NKAIN2: variants seen among roughly 807,000 people sequenced by gnomAD.
The protein encoded by NKAIN2 is sodium/potassium-transporting ATPase subunit beta-1-interacting protein 2.
Under a neutral mutation model 32.6 loss-of-function variants are expected in NKAIN2, and 14 were observed. The ratio of observed to expected loss-of-function variants is 0.43; its 90% CI spans 0.28 to 0.67. NKAIN2 has a LOEUF of 0.67. Among genes scored for constraint, NKAIN2 ranks in the 30% least tolerant of loss-of-function variants. The probability of loss-of-function intolerance (pLI) is 0.17; values close to 1 mark genes in which losing one functional copy is unlikely to be tolerated. For missense variants in NKAIN2, 198 were observed against 258.3 expected (o/e 0.77, Z 1.60); for synonymous variants, 80 against 87.2 (o/e 0.92, Z 0.46).
At chr6:124,097,801 CTG>C (rs1419180445) in intron 1 of NKAIN2, among the ~76,000 whole-genome samples, 2 of 151,950 alleles carry the variant, frequency 1.3e-5, no homozygotes, top group South Asian at 2.1e-4. Context: ...TGCAGGAAAA[CTG>C]TAGAGTGAAA....
At chr6:123,839,567 C>T (rs553715271) in intron 1 of NKAIN2, among the ~76,000 whole-genome samples, 35 of 152,062 alleles carry the variant, frequency 2.3e-4, no homozygotes, top group African/African-American at 8.4e-4. Flanking sequence ...CTTTAATAGC[C>T]CAATCTTTTT....
intron 1 of NKAIN2, among the ~76,000 whole-genome samples, chr6:124,169,787 G>T (rs372810194): frequency 2.0e-5 from 3 of 152,104 alleles, no homozygotes; most frequent in East Asian, 3.9e-4. Context: ...TTGCTTCCTG[G>T]TTTTACATTC....
At chr6:123,985,798 T>G (rs904015290) in intron 1 of NKAIN2, among the ~76,000 whole-genome samples, 6 of 152,160 alleles carry the variant, frequency 3.9e-5, no homozygotes, top group African/African-American at 1.4e-4. Context: ...AAGACATTTC[T>G]GAGAAATCGA....
chr6:124,804,171 G>A (rs1341079662), intron 5 of NKAIN2, among the ~76,000 whole-genome samples: 1 of 152,116 alleles, frequency 6.6e-6, no homozygotes, highest in African/African-American at 2.4e-5. Context: ...GTGGCATTAT[G>A]ATATATCAAG....
intron 1 of NKAIN2, among the ~76,000 whole-genome samples, chr6:124,248,419 C>A (rs945893503): frequency 6.6e-5 from 10 of 152,054 alleles, no homozygotes; most frequent in Admixed American, 4.6e-4. Context: ...CCCCACCGAA[C>A]CTTTTCCCAA....
intron 1 of NKAIN2, among the ~76,000 whole-genome samples, chr6:124,270,430 T>C (rs1267092947): frequency 6.6e-6 from 1 of 152,148 alleles, no homozygotes; most frequent in Non-Finnish European, 1.5e-5. Context: ...AAAAAAAATC[T>C]GTATTTTTAC....
intron 3 of NKAIN2, among the ~76,000 whole-genome samples, chr6:124,433,008 T>C (rs1775283465): frequency 6.6e-6 from 1 of 151,964 alleles, no homozygotes; most frequent in Admixed American, 6.6e-5. Context: ...GTATCCCTAG[T>C]TGGGAAACAC....
chr6:124,135,880 C>T (rs759830439), intron 1 of NKAIN2, among the ~76,000 whole-genome samples: 1 of 151,904 alleles, frequency 6.6e-6, no homozygotes, highest in Non-Finnish European at 1.5e-5. Flanking sequence ...ACAGCAAAAA[C>T]GTTGCTAAGA....
At chr6:124,662,851 A>C (rs1230010422) in intron 4 of NKAIN2, among the ~76,000 whole-genome samples, 1 of 152,104 alleles carries the variant, frequency 6.6e-6, no homozygotes, top group Non-Finnish European at 1.5e-5. Flanking sequence ...CAAAGATTTT[A>C]TTTTTAAGAT....
chr6:124,224,240 T>C (rs551568609), intron 1 of NKAIN2, among the ~76,000 whole-genome samples: 9 of 152,286 alleles, frequency 5.9e-5, no homozygotes, highest in African/African-American at 2.2e-4. Context: ...TATTTGTATT[T>C]ATGTTTTGAA....
chr6:124,102,252 A>G (rs986583975), intron 1 of NKAIN2, among the ~76,000 whole-genome samples: 5 of 152,180 alleles, frequency 3.3e-5, no homozygotes, highest in African/African-American at 1.2e-4. Context: ...CCTTAGCATC[A>G]GCTTCCTTGA....
At chr6:124,765,687 TAG>T (rs1173865637) in intron 4 of NKAIN2, among the ~76,000 whole-genome samples, 1 of 152,196 alleles carries the variant, frequency 6.6e-6, no homozygotes, top group Non-Finnish European at 1.5e-5. Flanking sequence ...GCCCCCTTGG[TAG>T]ATACTGAATT....
chr6:124,134,900 A>C (rs1786658873), intron 1 of NKAIN2, among the ~76,000 whole-genome samples: 1 of 152,194 alleles, frequency 6.6e-6, no homozygotes, highest in Admixed American at 6.5e-5. Context: ...AGGCAAAAGT[A>C]TCAGGTAACC....
chr6:123,998,543 TC>T, intron 1 of NKAIN2, among the ~76,000 whole-genome samples: 1 of 152,100 alleles, frequency 6.6e-6, no homozygotes, highest in East Asian at 1.9e-4. Context: ...CAAATCTGGA[TC>T]CTAAAATCAA....
intron 1 of NKAIN2, chr6:123,823,187 G>A (rs1460739578): frequency 6.6e-6 from 1 of 152,174 alleles, no homozygotes; most frequent in Non-Finnish European, 1.5e-5. Flanking sequence ...ACCGAAACCT[G>A]TATTTTCTTT....
At chr6:124,581,355 C>T (rs958391641) in intron 3 of NKAIN2, among the ~76,000 whole-genome samples, 2 of 144,308 alleles carry the variant, frequency 1.4e-5, no homozygotes, top group Admixed American at 7.2e-5. Context: ...AGGAGAATGG[C>T]GTGAACCCGG....
In NKAIN2 at chr6:124,427,598, C is replaced by G. The variant is rs1020655209; in HGVS notation, c.273+72251C>G. Among the ~76,000 whole-genome samples, 295 of 152,264 alleles carry G rather than the reference C, an allele frequency of 1.9e-3. 2 individuals carry two copies. The highest frequency in any genetic ancestry group is 8.1e-4 in the Non-Finnish European group (55 of 68,014). On this transcript the variant is annotated intron_variant, in intron 3 of 6. Transcript: ENST00000368417. ...CATTGAATCTATGTGTCCCTGTTTT[C>G]TTGAATAATTTGGATAAAGAATAGT...
intron 3 of NKAIN2, among the ~76,000 whole-genome samples, chr6:124,384,456 C>T (rs377361013): frequency 2.3e-4 from 35 of 152,044 alleles, no homozygotes; most frequent in South Asian, 1.0e-3. Flanking sequence ...TTTTTGAGAC[C>T]GCATTGATAA....
chr6:124,299,160 G>A (rs1039546836), intron 2 of NKAIN2, among the ~76,000 whole-genome samples: 1 of 152,194 alleles, frequency 6.6e-6, no homozygotes, highest in East Asian at 1.9e-4. Flanking sequence ...TGAAGGACAA[G>A]AAGAGAAAGA....
Sources: allele counts gnomAD v4.1 joint callset (sites outside exome capture counted in the v4.1 genomes callset), GRCh38; gene constraint gnomAD v4.1.1; transcripts MANE v1.5; gene names NCBI Gene and HGNC (gene_info 2026-07-23, HGNC 2026-07-21).